Variants in ARFGEF1 observed in about 807,000 individuals in gnomAD.
ARFGEF1 encodes brefeldin A-inhibited guanine nucleotide-exchange protein 1.
ARFGEF1 carries 42 observed loss-of-function variants against 231.0 expected under a neutral mutation model. The ratio of observed to expected loss-of-function variants is 0.18; its 90% CI spans 0.14 to 0.24. ARFGEF1 has a LOEUF of 0.24. ARFGEF1 is among the 10% of genes least tolerant of loss of function. ARFGEF1 has a pLI of 1.00. For missense variants in ARFGEF1, 1,345 were observed against 2,192.0 expected (o/e 0.61, Z 7.72); for synonymous variants, 710 against 732.3 (o/e 0.97, Z 0.49).
At chr8:67,287,933 A>G (rs777967688) in intron 7 of ARFGEF1, 22 bp downstream of exon 7, 1 of 1,502,076 alleles carries the variant, frequency 6.7e-7, no homozygotes, top group South Asian at 1.3e-5. Context: ...AGAGTAAAAT[A>G]ATTTTGAATG....
chr8:67,189,153 C>A (rs1459601361), intron 5 of ARFGEF1, among the ~76,000 whole-genome samples: 1 of 152,218 alleles, frequency 6.6e-6, no homozygotes, highest in African/African-American at 2.4e-5. Flanking sequence ...TAGGAACTCT[C>A]ATTCATTGCT....
At chr8:67,296,302 A>T (rs1439819331) in intron 5 of ARFGEF1, 129 bp downstream of exon 5, 1 of 859,302 alleles carries the variant, frequency 1.2e-6, no homozygotes, top group East Asian at 2.6e-5. Context: ...AATCTCCAGT[A>T]AGTGGAAATG....
At chr8:67,194,726 G>A (rs189028188), downstream of ARFGEF1, among the ~76,000 whole-genome samples, 73 of 150,726 alleles carry the variant, frequency 4.8e-4, no homozygotes, top group African/African-American at 1.6e-3. Flanking sequence ...AGGGTAGGAA[G>A]ACAGATTTTC....
intron 1 of ARFGEF1, among the ~76,000 whole-genome samples, chr8:67,303,381 A>G (rs1277478057): frequency 6.6e-6 from 1 of 152,206 alleles, no homozygotes; most frequent in Non-Finnish European, 1.5e-5. Context: ...AAGGTATCAG[A>G]TAAATTAGAC....
chr8:67,328,472 G>A (rs1010218446), intron 1 of ARFGEF1, among the ~76,000 whole-genome samples: 2 of 150,532 alleles, frequency 1.3e-5, no homozygotes, highest in African/African-American at 4.9e-5. Flanking sequence ...GCATCTCTCT[G>A]ATTATTGTTT....
intron 1 of ARFGEF1, among the ~76,000 whole-genome samples, chr8:67,305,370 G>A (rs151330786): frequency 2.4e-4 from 37 of 152,230 alleles, no homozygotes; most frequent in African/African-American, 7.9e-4. Flanking sequence ...ACTGATAGGC[G>A]GTGATCCAGA....
chr8:67,280,833 T>C (rs1179358123), intron 7 of ARFGEF1, among the ~76,000 whole-genome samples: 1 of 151,986 alleles, frequency 6.6e-6, no homozygotes, highest in Non-Finnish European at 1.5e-5. Context: ...TTACTGAGAG[T>C]AGATTGATCA....
At chr8:67,313,011 G>A (rs1356030343) in intron 1 of ARFGEF1, among the ~76,000 whole-genome samples, 1 of 152,154 alleles carries the variant, frequency 6.6e-6, no homozygotes, top group African/African-American at 2.4e-5. Flanking sequence ...ACAAAAAACA[G>A]AGGGAACAAC....
rs149676223 is a variant in ARFGEF1 at position 67,308,746 on chromosome 8, C to G, written c.125-6280G>C. Among the ~76,000 whole-genome samples the G allele has an allele frequency of 3.5e-4, 53 of 152,192 alleles. 1 individual carries two copies. Among genetic ancestry groups the G allele is most frequent in the African/African-American group, 1.3e-3 (53 of 41,548 alleles). On this transcript the variant is annotated intron_variant, in intron 1 of 38. Transcript: ENST00000262215. Reference sequence around the variant, plus strand: ...CCTTTGATTCTGAGCTACTTGAATGCAAGGAAATTTTTTTATTTTTTAATT... The same window carrying G: ...CCTTTGATTCTGAGCTACTTGAATGGAAGGAAATTTTTTTATTTTTTAATT...
chr8:67,219,521 G>C lies in ARFGEF1; in HGVS notation c.4248C>G (p.Gly1416=), dbSNP rs1042723418. The change falls in exon 30 of 39, where the codon GGC becomes GGG. Residue 1416 remains glycine (G), a synonymous_variant. Coordinates refer to ENST00000262215, the MANE Select transcript of ARFGEF1 (RefSeq NM_006421.5). ...GCCACCAGTGTTTCTCATAAGTGTG[G>C]CCATATGTTTTCATTATTTCAAACA... The part of the protein sequence containing the change: ...TVMFEIMKTY[G]HTYEKHWWQD... The C allele has an allele frequency of 1.1e-5, 17 of 1,609,882 alleles. No homozygotes were observed. In the East Asian group the frequency reaches 3.6e-4, roughly 34 times the overall value.
intron 34 of ARFGEF1, among the ~76,000 whole-genome samples, chr8:67,205,716 G>C (rs568487295): frequency 1.3e-5 from 2 of 152,092 alleles, no homozygotes; most frequent in South Asian, 2.1e-4. Context: ...AAATGTGCCA[G>C]GCATGGTTGC....
chr8:67,283,883 T>C (rs956544061), intron 7 of ARFGEF1, among the ~76,000 whole-genome samples: 12 of 152,008 alleles, frequency 7.9e-5, no homozygotes, highest in Non-Finnish European at 1.5e-5. Context: ...ATGGTAAGAG[T>C]GCAAAATGGC....
At position 67,258,299 on chromosome 8, in the gene ARFGEF1, A is replaced by G. The variant is rs1287642564; in HGVS notation, c.2236-9T>C. The G allele has an allele frequency of 1.3e-6, 2 of 1,534,390 alleles. No homozygotes were observed. The highest frequency in any genetic ancestry group is 3.6e-5 in the Admixed American group (2 of 56,132). On this transcript the variant is annotated splice_polypyrimidine_tract_variant and intron_variant, in intron 15 of 38. Coordinates refer to ENST00000262215, the MANE Select transcript of ARFGEF1 (RefSeq NM_006421.5). ...AACTCACCCACTTGAGTCTAAAGTA[A>G]AAACAGAGATAGAAATTGATATTTT...
At chr8:67,312,246 A>T (rs1412123448) in intron 1 of ARFGEF1, among the ~76,000 whole-genome samples, 6 of 138,616 alleles carry the variant, frequency 4.3e-5, no homozygotes, top group South Asian at 2.2e-4. Context: ...AAAAAAAATT[A>T]AAAAAAAAAA....
At chr8:67,181,070 C>G (rs1035125391) in intron 5 of ARFGEF1, among the ~76,000 whole-genome samples, 4 of 151,824 alleles carry the variant, frequency 2.6e-5, no homozygotes, top group African/African-American at 9.7e-5. Context: ...GAGGGTCTTG[C>G]TCTGTCGCCC....
At chr8:67,309,784 TAATC>T (rs1465869794) in intron 1 of ARFGEF1, among the ~76,000 whole-genome samples, 1 of 152,346 alleles carries the variant, frequency 6.6e-6, no homozygotes, top group East Asian at 1.9e-4. Context: ...TGAATGGTCT[TAATC>T]AATAGTTTTC....
intron 33 of ARFGEF1, among the ~76,000 whole-genome samples, chr8:67,214,334 C>T (rs1341125732): frequency 6.6e-6 from 1 of 152,168 alleles, no homozygotes; most frequent in African/African-American, 2.4e-5. Flanking sequence ...GGGTGGAAAG[C>T]AGAATTCTAA....
At chr8:67,219,860 A>G (rs558498963) in intron 29 of ARFGEF1, among the ~76,000 whole-genome samples, 24 of 152,350 alleles carry the variant, frequency 1.6e-4, no homozygotes, top group African/African-American at 5.8e-4. Context: ...ACAAATTGAA[A>G]AGGATAACCG....
At chr8:67,208,141 A>G (rs1236198797) in intron 34 of ARFGEF1, among the ~76,000 whole-genome samples, 2 of 152,200 alleles carry the variant, frequency 1.3e-5, no homozygotes, top group African/African-American at 4.8e-5. Flanking sequence ...TTCTTTGGAG[A>G]ACAGAAATGA....
Sources: gnomAD v4.1 joint callset for allele counts (sites outside exome capture counted in the v4.1 genomes callset) on GRCh38, gnomAD v4.1.1 for gene constraint, MANE v1.5 for transcripts, NCBI Gene and HGNC (gene_info 2026-07-23, HGNC 2026-07-21) for gene names.